Variants in PTPRA observed in about 807,000 individuals in gnomAD.
PTPRA encodes receptor-type tyrosine-protein phosphatase alpha.
PTPRA carries 25 observed loss-of-function variants against 104.8 expected under a neutral mutation model. The observed-to-expected ratio is 0.24, with a 90% CI of 0.17 to 0.33. The LOEUF is 0.33. Ranked by LOEUF, PTPRA falls within the 10% of genes least tolerant of loss-of-function variation. The pLI is 1.00. For synonymous variants in PTPRA, 323 were observed against 368.9 expected (o/e 0.88, Z 1.43); for missense variants, 765 against 1,015.3 (o/e 0.75, Z 3.35).
chr20:2,896,327 C>T (rs903262537), intron 1 of PTPRA, among the ~76,000 whole-genome samples: 8 of 152,086 alleles, frequency 5.3e-5, no homozygotes, highest in African/African-American at 1.7e-4. Flanking sequence ...TGCAGTGAGC[C>T]GAGATAGTGC....
At chr20:2,981,784 A>C (rs1178939446) in intron 6 of PTPRA, among the ~76,000 whole-genome samples, 2 of 152,108 alleles carry the variant, frequency 1.3e-5, no homozygotes, top group African/African-American at 2.4e-5. Flanking sequence ...CCCAGTCCCA[A>C]TTCCCTCTGA....
intron 3 of PTPRA, among the ~76,000 whole-genome samples, chr20:2,952,335 A>G (rs998807959): frequency 2.6e-5 from 4 of 152,096 alleles, no homozygotes; most frequent in African/African-American, 9.7e-5. Context: ...AGCATCTTTC[A>G]TGTGCTTATT....
At chr20:2,916,689 AGT>A (rs2059914716) in intron 1 of PTPRA, among the ~76,000 whole-genome samples, 1 of 152,168 alleles carries the variant, frequency 6.6e-6, no homozygotes, top group South Asian at 2.1e-4. Flanking sequence ...TGGGTGACAG[AGT>A]GAGACACTGT....
In PTPRA at chr20:3,004,945, TC is replaced by T. The variant is rs369335159; in HGVS notation, c.739-105del. The stretch of plus-strand genomic sequence containing the variant: ...AGGTATTCACCTGGGCCCATGTTTT[TC>T]CCCCCAGGAAAAGGTAGAACATGCT... On this transcript the variant is annotated intron_variant, in intron 9 of 23. Transcript: ENST00000399903. 2.9e-4 allele frequency: 278 copies of T among 954,648 alleles called. 2 individuals are homozygous for T. In the African/African-American group the frequency reaches 3.7e-3, roughly 13 times the overall value. The allele number at this position is 954,648 out of a possible 1,614,324, so 59.1% of individuals were successfully genotyped here.
At chr20:2,976,911 A>G (rs867134762) in intron 6 of PTPRA, among the ~76,000 whole-genome samples, 3 of 152,212 alleles carry the variant, frequency 2.0e-5, no homozygotes, top group Non-Finnish European at 2.9e-5. Flanking sequence ...GCAAAAAGAA[A>G]TGAGAGGGAG....
At chr20:2,914,823 C>G (rs1475235218) in intron 1 of PTPRA, among the ~76,000 whole-genome samples, 1 of 152,114 alleles carries the variant, frequency 6.6e-6, no homozygotes, top group Non-Finnish European at 1.5e-5. Context: ...AAAATCTGTA[C>G]TCGTAGCACT....
intron 11 of PTPRA, among the ~76,000 whole-genome samples, chr20:3,015,303 C>CTTTTTT (rs778457233): frequency 1.5e-5 from 2 of 134,652 alleles, no homozygotes; most frequent in Non-Finnish European, 3.2e-5. Flanking sequence ...CTTTCTTTTT[C>CTTTTTT]TTTTTTTTTT....
Position 2,950,278 on chromosome 20 carries a change from C to T in PTPRA, c.-7+2254C>T, listed in dbSNP as rs866374546. Among the ~76,000 whole-genome samples the T allele has an allele frequency of 2.0e-5, 3 of 151,976 alleles. No homozygotes were observed. Among genetic ancestry groups the T allele is most frequent in the Middle Eastern group, 3.2e-3 (1 of 316 alleles). On this transcript the variant is annotated intron_variant, in intron 3 of 23. Transcript: ENST00000399903. This position sits in a 1 kb window ranked among gnomAD's most constrained non-coding sequence, Gnocchi z 4.0. ...CGTTCATTTTTCTTAGTTTTATTTG[C>T]CTATAATTGTGGATAATCTGTTTTT...
At chr20:2,944,569 A>G (rs2061053631) in intron 2 of PTPRA, among the ~76,000 whole-genome samples, 1 of 152,170 alleles carries the variant, frequency 6.6e-6, no homozygotes, top group East Asian at 1.9e-4. Context: ...TGGAAGACAC[A>G]CCATTACTTC....
At chr20:2,954,772 A>G (rs1364445220) in intron 3 of PTPRA, among the ~76,000 whole-genome samples, 1 of 152,206 alleles carries the variant, frequency 6.6e-6, no homozygotes, top group Non-Finnish European at 1.5e-5. Flanking sequence ...AATTTTTGCC[A>G]AATCCAAAGT....
chr20:3,030,807 T>G (rs1271455741), intron 20 of PTPRA, among the ~76,000 whole-genome samples: 1 of 145,282 alleles, frequency 6.9e-6, no homozygotes, highest in Non-Finnish European at 1.5e-5. Context: ...CACCTCAGCC[T>G]CCCGAGTAGC....
At chr20:2,943,006 C>A (rs2060977698) in intron 2 of PTPRA, among the ~76,000 whole-genome samples, 2 of 151,798 alleles carry the variant, frequency 1.3e-5, no homozygotes, top group East Asian at 3.9e-4. Flanking sequence ...TCCTTTTTCT[C>A]TTTTTTCTTG....
chr20:3,031,086 A>T (rs964901399), intron 20 of PTPRA, among the ~76,000 whole-genome samples: 7 of 151,846 alleles, frequency 4.6e-5, no homozygotes, highest in African/African-American at 1.7e-4. Flanking sequence ...AGTGCCAGGA[A>T]CTCCCATGCT....
intron 6 of PTPRA, among the ~76,000 whole-genome samples, chr20:2,979,542 G>A (rs562363437): frequency 6.6e-6 from 1 of 152,212 alleles, no homozygotes; most frequent in Non-Finnish European, 1.5e-5. Context: ...TGGAGGCAGG[G>A]CTGGGGCAGA....
intron 1 of PTPRA, among the ~76,000 whole-genome samples, chr20:2,885,710 A>G (rs2090341882): frequency 6.6e-6 from 1 of 152,164 alleles, no homozygotes; most frequent in Admixed American, 6.5e-5. Context: ...TATAGGACAA[A>G]TGAACCCATT....
At chr20:2,977,117 A>G (rs2062464014) in intron 6 of PTPRA, among the ~76,000 whole-genome samples, 1 of 152,052 alleles carries the variant, frequency 6.6e-6, no homozygotes, top group African/African-American at 2.4e-5. Flanking sequence ...CTCTACTAAA[A>G]ATACAAAAAT....
At chr20:2,975,326 C>T (rs942661819) in intron 6 of PTPRA, 85 bp downstream of exon 6, 29 of 1,209,510 alleles carry the variant, frequency 2.4e-5, no homozygotes, top group Middle Eastern at 2.0e-4. Context: ...CTGTGGTAAC[C>T]GTGTGCATCT....
intron 5 of PTPRA, among the ~76,000 whole-genome samples, chr20:2,968,277 T>A (rs1478151803): frequency 6.6e-6 from 1 of 152,222 alleles, no homozygotes; most frequent in East Asian, 1.9e-4. Flanking sequence ...GACACCTGTT[T>A]ACCAGGTTTG....
intron 2 of PTPRA, among the ~76,000 whole-genome samples, chr20:2,932,467 G>C (rs2060542790): frequency 6.6e-6 from 1 of 152,124 alleles, no homozygotes; most frequent in Non-Finnish European, 1.5e-5. Context: ...TGAGGGTTAG[G>C]GATGGAAAAA....
Sources: gnomAD v4.1 joint callset for allele counts (sites outside exome capture counted in the v4.1 genomes callset) on GRCh38, gnomAD v4.1.1 for gene constraint, Gnocchi (gnomAD v3.1) non-coding constraint, MANE v1.5 for transcripts, NCBI Gene and HGNC (gene_info 2026-07-23, HGNC 2026-07-21) for gene names.